Variants in STXBP4 observed in about 807,000 individuals in gnomAD.
The protein encoded by STXBP4 is syntaxin-binding protein 4.
In STXBP4, 55 loss-of-function variants were observed where a neutral mutation model predicts 76.1. The ratio of observed to expected loss-of-function variants is 0.72; its 90% confidence interval spans 0.58 to 0.91. The LOEUF (loss-of-function observed/expected upper bound fraction) is 0.91. Ranked by LOEUF, STXBP4 falls within the 40% of genes least tolerant of loss-of-function variation. STXBP4 has a pLI of 0.00. For synonymous variants in STXBP4, 201 were observed against 220.2 expected (o/e 0.91, Z 0.77); for missense variants, 618 against 636.9 (o/e 0.97, Z 0.32).
chr17:55,104,459 C>A (rs573671227), intron 16 of STXBP4, among the ~76,000 whole-genome samples: 17 of 152,318 alleles, frequency 1.1e-4, no homozygotes, highest in African/African-American at 3.8e-4. Context: ...ACCAGCCTTG[C>A]ATCCCAGGGA....
At chr17:55,121,994 A>T (rs962762965) in intron 16 of STXBP4, among the ~76,000 whole-genome samples, 1 of 152,054 alleles carries the variant, frequency 6.6e-6, no homozygotes, top group South Asian at 2.1e-4. Context: ...GTGTCTAGCA[A>T]CCTTTAGGCT....
At chr17:55,186,614 A>G in the STXBP4 span, among the ~76,000 whole-genome samples, 1 of 152,232 alleles carries the variant, frequency 6.6e-6, no homozygotes, top group Non-Finnish European at 1.5e-5. Context: ...TGAAGATCAA[A>G]AATGAATTCT....
chr17:55,201,668 G>GAAA, the STXBP4 span, among the ~76,000 whole-genome samples: 1 of 152,132 alleles, frequency 6.6e-6, no homozygotes, highest in Non-Finnish European at 1.5e-5. Flanking sequence ...TACTGCTAAG[G>GAAA]TCGTAGCAAA....
intron 17 of STXBP4, among the ~76,000 whole-genome samples, chr17:55,146,821 A>G (rs918518708): frequency 9.2e-5 from 14 of 152,216 alleles, no homozygotes; most frequent in Non-Finnish European, 1.8e-4. Flanking sequence ...TCCTCACCAT[A>G]TCATGAACAC....
chr17:54,975,206 T>C (rs2077454693), intron 1 of STXBP4, among the ~76,000 whole-genome samples: 1 of 152,200 alleles, frequency 6.6e-6, no homozygotes, highest in African/African-American at 2.4e-5. Context: ...TGGCATGATC[T>C]CGGCTCACTG....
the STXBP4 span, among the ~76,000 whole-genome samples, chr17:55,207,391 C>T: frequency 2.0e-5 from 3 of 152,116 alleles, no homozygotes; most frequent in Non-Finnish European, 4.4e-5. Flanking sequence ...GATGAGCTTC[C>T]AATACCCCAG....
intron 13 of STXBP4, among the ~76,000 whole-genome samples, chr17:55,077,369 T>C (rs1350544360): frequency 1.3e-5 from 2 of 152,158 alleles, no homozygotes; most frequent in African/African-American, 4.8e-5. Context: ...TAATGTAAAT[T>C]CTGGCCCCAA....
In STXBP4 at chr17:55,146,486, C is replaced by T. The variant is rs143422854; in HGVS notation, c.1547+5119C>T. 3.4e-3 allele frequency among the ~76,000 whole-genome samples: 514 copies of T among 151,954 alleles called. 2 individuals are homozygous for T. The highest frequency in any genetic ancestry group is 0.011 in the African/African-American group (471 of 41,458). ...CAGCACTTTGGGAGGCCAAGGCAGG[C>T]GGATCACGAGGTCAGGAGATTGAGA... On this transcript the variant is annotated intron_variant, in intron 17 of 17. Coordinates refer to ENST00000376352, the MANE Select transcript of STXBP4 (RefSeq NM_178509.6).
At chr17:55,185,443 G>A in the STXBP4 span, among the ~76,000 whole-genome samples, 1 of 151,694 alleles carries the variant, frequency 6.6e-6, no homozygotes, top group Non-Finnish European at 1.5e-5. Flanking sequence ...CAAGTGGGGT[G>A]TGTGTACGTG....
chr17:55,023,272 A>G (rs1254576465), intron 8 of STXBP4, among the ~76,000 whole-genome samples: 2 of 152,208 alleles, frequency 1.3e-5, no homozygotes, highest in Non-Finnish European at 2.9e-5. Context: ...TGCCATGAAT[A>G]TAGGGTTGAG....
At chr17:55,123,741 A>T (rs1004099164) in intron 16 of STXBP4, among the ~76,000 whole-genome samples, 1 of 152,032 alleles carries the variant, frequency 6.6e-6, no homozygotes, top group Non-Finnish European at 1.5e-5. Context: ...TCTACTAAAA[A>T]TACAAAAAAT....
the STXBP4 span, among the ~76,000 whole-genome samples, chr17:55,208,887 G>A: frequency 2.0e-5 from 3 of 151,650 alleles, no homozygotes; most frequent in South Asian, 6.3e-4. Flanking sequence ...TTCAAGACCA[G>A]CCTGGCCAAC....
At position 54,999,419 on chromosome 17, in the gene STXBP4, A is replaced by T. The variant is rs200150562; in HGVS notation, c.255A>T (p.Glu85Asp). 6.2e-7 allele frequency: 1 copy of T among 1,613,082 alleles called. No individual in the cohort carries two copies. The highest frequency in any genetic ancestry group is 1.3e-5 in the African/African-American group (1 of 75,008). ...KESMIGVSFE[E>D]AKSIITGAKL... The stretch of plus-strand genomic sequence containing the variant: ...CTATGATTGGTGTATCATTTGAAGA[A>T]GCAAAAAGCATAATTACCGGAGCCA... The change falls in exon 5 of 18, where the codon GAA (glutamate) becomes GAT (aspartate). Residue 85 changes from glutamate to aspartate, a missense_variant. By Grantham distance (45) the Glu-to-Asp change is conservative. Transcript: ENST00000376352.
intron 16 of STXBP4, among the ~76,000 whole-genome samples, chr17:55,110,898 T>C (rs1258189594): frequency 6.6e-6 from 1 of 152,178 alleles, no homozygotes; most frequent in Non-Finnish European, 1.5e-5. Flanking sequence ...TGGAGATTGT[T>C]TTTAGTAGAC....
intron 7 of STXBP4, among the ~76,000 whole-genome samples, chr17:55,005,475 A>G (rs1276525006): frequency 6.6e-6 from 1 of 152,258 alleles, no homozygotes; most frequent in African/African-American, 2.4e-5. Flanking sequence ...CTGTTTAGAT[A>G]GAAGTAAGCA....
chr17:54,971,710 T>G (rs764628564), intron 1 of STXBP4, among the ~76,000 whole-genome samples: 6 of 152,244 alleles, frequency 3.9e-5, no homozygotes, highest in Non-Finnish European at 7.3e-5. Context: ...TACTCGTTGA[T>G]TTTAGTTGTC....
At chr17:55,204,250 T>C in the STXBP4 span, among the ~76,000 whole-genome samples, 3 of 152,092 alleles carry the variant, frequency 2.0e-5, no homozygotes, top group African/African-American at 7.2e-5. Flanking sequence ...TCAGTTACTA[T>C]ATTGTTTAGT....
chr17:54,992,136 C>T (rs953986002), intron 4 of STXBP4, among the ~76,000 whole-genome samples: 1 of 151,912 alleles, frequency 6.6e-6, no homozygotes, highest in Non-Finnish European at 1.5e-5. Flanking sequence ...TTATAGAGGC[C>T]AGGCATGGTG....
chr17:55,012,854 C>T (rs1344862151), intron 8 of STXBP4, among the ~76,000 whole-genome samples: 1 of 152,244 alleles, frequency 6.6e-6, no homozygotes, highest in African/African-American at 2.4e-5. Context: ...TAGAAGGTCC[C>T]CTCGAGTGGC....
Sources: allele counts gnomAD v4.1 joint callset (sites outside exome capture counted in the v4.1 genomes callset), GRCh38; gene constraint gnomAD v4.1.1; transcripts MANE v1.5; gene names NCBI Gene and HGNC (gene_info 2026-07-23, HGNC 2026-07-21).